The following COL6A2 variants were observed in gnomAD, a reference collection of about 807,000 sequenced individuals.
The protein encoded by COL6A2 is collagen type VI alpha 2 chain.
Under a neutral mutation model 124.9 loss-of-function variants are expected in COL6A2, and 90 were observed. The observed-to-expected ratio is 0.72, with a 90% confidence interval of 0.61 to 0.86. COL6A2 has a LOEUF of 0.86. COL6A2 is among the 40% of genes least tolerant of loss of function. COL6A2 has a pLI of 0.00. For missense variants in COL6A2, 1,607 were observed against 1,502.5 expected, an observed-to-expected ratio of 1.07 and a Z score of -1.15; for synonymous variants, 793 against 618.2, an observed-to-expected ratio of 1.28 and a Z score of -4.19.
At chr21:46,111,036 G>A (rs957388860) in intron 1 of COL6A2, among the ~76,000 whole-genome samples, 5 of 152,184 alleles carry the variant, frequency 3.3e-5, no homozygotes, top group African/African-American at 4.8e-5. Context: ...AGCCGGTCTG[G>A]GGAAGCTGGG....
chr21:46,126,569 C>T, intron 27 of COL6A2, 28 bp downstream of exon 27: 2 of 1,613,100 alleles, frequency 1.2e-6, no homozygotes, highest in Non-Finnish European at 1.7e-6. Context: ...GAGCCACCAC[C>T]CCAGACTAGC....
intron 23 of COL6A2, 66 bp downstream of exon 23, chr21:46,124,986 G>T (rs1335434160): frequency 7.5e-6 from 12 of 1,591,044 alleles, no homozygotes; most frequent in Non-Finnish European, 9.5e-6. Flanking sequence ...AGAGCAGCAG[G>T]GGTGGGGGAA....
At position 46,120,701 on chromosome 21, in the gene COL6A2, C is replaced by T; in HGVS notation, c.1395+124C>T. ...TAGGGGACCCGGGTGGGTGCTGCAC[C>T]CCAAGGTAAGGGGGGCCCAGGTGAG... On this transcript the variant is annotated intron_variant, in intron 16 of 27. Coordinates refer to ENST00000300527, the MANE Select transcript of COL6A2 (RefSeq NM_001849.4). The T allele has an allele frequency of 5.2e-6, 5 of 965,122 alleles. No individual in the cohort carries two copies. In the South Asian group the frequency reaches 5.3e-5, roughly 10 times the overall value. 59.8% of individuals were successfully genotyped at this position (965,122 alleles called of 1,614,324 possible).
chr21:46,125,546 T>C lies in COL6A2; in HGVS notation c.1898T>C (p.Leu633Pro). The C allele has an allele frequency of 4.3e-6, 7 of 1,612,404 alleles. No homozygotes were observed. Among genetic ancestry groups the C allele is most frequent in the Non-Finnish European group, 5.9e-6 (7 of 1,179,876 alleles). Residue 633 changes from leucine to proline, a missense_variant, in exon 25 of 28, where the codon CTG becomes CCG. Transcript: ENST00000300527. ...AGCATTGGGTACACCAACTTCACAC[T>C]GGAGAAGAACTTCGTCATCAACGTG... Reference protein sequence around the residue: ...SESIGYTNFTLEKNFVINVVN... With the variant: ...SESIGYTNFTPEKNFVINVVN...
At chr21:46,127,926 C>T (rs58552638) in intron 27 of COL6A2, among the ~76,000 whole-genome samples, 16,410 of 152,270 alleles carry the variant, frequency 0.11, 1,078 homozygotes, top group African/African-American at 0.18. Flanking sequence ...GCCCTGCGTG[C>T]CCGGGATAAA....
At chr21:46,129,367 C>T in intron 27 of COL6A2, 1 of 1,612,980 alleles carries the variant, frequency 6.2e-7, no homozygotes, top group Non-Finnish European at 8.5e-7. Flanking sequence ...GTCTACACCG[C>T]CGAGCGGGCC....
rs773985025 is a variant in COL6A2, at chr21:46,117,933, C to A, written c.1113C>A (p.Gly371=). 6.2e-7 allele frequency: 1 copy of A among 1,612,280 alleles called. No individual in the cohort carries two copies. Among genetic ancestry groups the A allele is most frequent in the Non-Finnish European group, 8.5e-7 (1 of 1,179,472 alleles). ...GSPGERGDQG[G]KGDPGRPGRR... is the part of the protein sequence containing the mutation. ...CAGGGGAGCGAGGAGACCAAGGCGGCAAGGTAAGTGGCCTTGTCAGGGTAC... is the reference window on the plus strand; with the variant it reads ...CAGGGGAGCGAGGAGACCAAGGCGGAAAGGTAAGTGGCCTTGTCAGGGTAC... Residue 371 remains glycine (G), a synonymous_variant, in exon 12 of 28, where the codon GGC becomes GGA. Transcript: ENST00000300527.
At position 46,115,968 on chromosome 21, in the gene COL6A2, G is replaced by A. The variant is rs764013980; in HGVS notation, c.856-41G>A. 2.5e-5 allele frequency: 40 copies of A among 1,609,884 alleles called. No individual in the cohort carries two copies. In the South Asian group the frequency reaches 3.5e-4, roughly 14 times the overall value. Reference sequence around the variant, plus strand: ...ACGCCCGCCCCGCCTGCAGCCCAGCGCCCCAGGGCTGGGCTCACACTGCTG... The same window carrying A: ...ACGCCCGCCCCGCCTGCAGCCCAGCACCCCAGGGCTGGGCTCACACTGCTG... On this transcript the variant is annotated intron_variant, in intron 6 of 27. Transcript: ENST00000300527.
Position 46,117,417 on chromosome 21 carries a change from C to G in COL6A2, c.1017C>G (p.Ile339Met). The G allele has an allele frequency of 6.2e-7, 1 of 1,612,810 alleles. No homozygotes were observed. Among genetic ancestry groups the G allele is most frequent in the Non-Finnish European group, 8.5e-7 (1 of 1,179,906 alleles). ...TDGQKGKLGRIGPPGCKGDPG... is the reference protein window; with the variant it reads ...TDGQKGKLGRMGPPGCKGDPG... ...TCCTTCAGGGCAAGCTGGGGCGCAT[C>G]GGACCTCCTGGCTGCAAGGGAGACC... Residue 339 changes from isoleucine to methionine, a missense_variant, in exon 11 of 28, where the codon ATC becomes ATG. Ile to Met is a conservative substitution (Grantham distance 10). Transcript: ENST00000300527.
At chr21:46,117,538 T>G in intron 11 of COL6A2, 85 bp downstream of exon 11, 1 of 1,343,390 alleles carries the variant, frequency 7.4e-7, no homozygotes, top group South Asian at 1.2e-5. Context: ...GCTGCTGCAG[T>G]GGGAGCGTGG....
chr21:46,112,091 G>A lies in COL6A2; in HGVS notation c.228G>A (p.Gln76=). Residue 76 remains glutamine (Q), a synonymous_variant, in exon 3 of 28, where the codon CAG becomes CAA. Transcript: ENST00000300527. ...LLFHMKQFVP[Q]FISQLQNEFY... ...TCCACATGAAGCAGTTCGTGCCGCA[G>A]TTCATCAGCCAGCTGCAGAACGAGT... 1.9e-6 allele frequency: 3 copies of A among 1,613,194 alleles called. 1 individual carries two copies. The highest frequency in any genetic ancestry group is 2.5e-6 in the Non-Finnish European group (3 of 1,180,028).
intron 1 of COL6A2, among the ~76,000 whole-genome samples, chr21:46,106,171 A>G (rs1477356773): frequency 6.6e-6 from 1 of 152,266 alleles, no homozygotes; most frequent in East Asian, 1.9e-4. Context: ...GGCTCAATAC[A>G]GCAAGATATA....
At position 46,132,551 on chromosome 21, in the gene COL6A2, A is replaced by AGCGCCGCCGCCCGG. The variant is rs2078777017; in HGVS notation, c.*2_*15dup. 4 of 1,595,968 alleles carry AGCGCCGCCGCCCGG rather than the reference A, an allele frequency of 2.5e-6. No individual in the cohort carries two copies. Among genetic ancestry groups the AGCGCCGCCGCCCGG allele is most frequent in the African/African-American group, 2.7e-5 (2 of 74,728 alleles). On this transcript the variant is annotated frameshift_variant and stop_retained_variant, in exon 28 of 28. Transcript: ENST00000300527. LOFTEE classifies it high-confidence loss of function. ...GACCGCTTCATCCGCTGGATCTGCT[A>AGCGCCGCCGCCCGG]GCGCCGCCGCCCGGGCCCCGCAGTC... is the stretch of plus-strand genomic sequence containing the variant.
intron 1 of COL6A2, among the ~76,000 whole-genome samples, chr21:46,100,200 C>G (rs374288772): frequency 6.6e-6 from 1 of 152,056 alleles, no homozygotes; most frequent in East Asian, 1.9e-4. Flanking sequence ...CTGGCTCAAG[C>G]GAGCCTCCAC....
At chr21:46,105,313 G>C (rs2078325221) in intron 1 of COL6A2, among the ~76,000 whole-genome samples, 1 of 152,148 alleles carries the variant, frequency 6.6e-6, no homozygotes. Context: ...TTGGGCCTGG[G>C]AGGTTGAAGC....
At chr21:46,129,627 C>G (rs896720558) in intron 27 of COL6A2, 21 of 1,429,274 alleles carry the variant, frequency 1.5e-5, no homozygotes, top group Middle Eastern at 2.6e-4. Context: ...CTTCCAGGGG[C>G]TCTGGGGCAG....
chr21:46,112,636 C>T, intron 3 of COL6A2, 59 bp downstream of exon 3: 1 of 1,597,692 alleles, frequency 6.3e-7, no homozygotes, highest in Non-Finnish European at 8.6e-7. Context: ...GGGCCGTCCA[C>T]CCACTCCGGG....
intron 20 of COL6A2, 49 bp downstream of exon 20, chr21:46,122,580 A>C (rs1250282173): frequency 1.9e-6 from 3 of 1,596,960 alleles, no homozygotes; most frequent in Admixed American, 1.7e-5. Flanking sequence ...GGGGGTCTGC[A>C]CGCCCAATTG....
chr21:46,123,904 T>C (rs1423764119), intron 21 of COL6A2, among the ~76,000 whole-genome samples: 62 of 142,848 alleles, frequency 4.3e-4, no homozygotes, highest in African/African-American at 1.3e-3. Flanking sequence ...GATAGATGGA[T>C]GGGTGGGTGG....
Sources: allele counts gnomAD v4.1 joint callset (sites outside exome capture counted in the v4.1 genomes callset), GRCh38; gene constraint gnomAD v4.1.1; transcripts MANE v1.5; gene names NCBI Gene and HGNC (gene_info 2026-07-23, HGNC 2026-07-21).